ZNF639: variants seen among roughly 807,000 people sequenced by gnomAD.
ZNF639 encodes zinc finger protein 639, also known as zinc finger amplified in esophageal squamous cell carcinomas 1.
In ZNF639, 20 loss-of-function variants were observed where a neutral mutation model predicts 39.8. The observed-to-expected ratio is 0.50, with a 90% CI of 0.35 to 0.73. ZNF639 has a LOEUF of 0.73. ZNF639 is among the 30% of genes least tolerant of loss of function. ZNF639 has a pLI of 0.00. For synonymous variants in ZNF639, 176 were observed against 189.8 expected (o/e 0.93, Z 0.60); for missense variants, 477 against 566.2 (o/e 0.84, Z 1.60).
chr3:179,334,028 A>G lies in ZNF639; in HGVS notation c.1064A>G (p.Glu355Gly), dbSNP rs557359525. The change falls in exon 6 of 6, where the codon GAA becomes GGA. Residue 355 changes from glutamate (E) to glycine (G), a missense_variant. Coordinates refer to ENST00000496856, the MANE Select transcript of ZNF639 (RefSeq NM_001303426.2). ...TTAAGTGATAAGTATAACAATGGTGAACATGGACAGTATAGCCTCTTAAGC... is the reference window on the plus strand; with the variant it reads ...TTAAGTGATAAGTATAACAATGGTGGACATGGACAGTATAGCCTCTTAAGC... ...IELSDKYNNGEHGQYSLLSKI... is the reference protein window; with the variant it reads ...IELSDKYNNGGHGQYSLLSKI... The G allele has an allele frequency of 1.2e-6, 2 of 1,614,208 alleles. No homozygotes were observed. Among genetic ancestry groups the G allele is most frequent in the African/African-American group, 2.7e-5 (2 of 75,072 alleles).
rs1171805474 is a variant in ZNF639 at position 179,334,664 on chromosome 3, T to G, written c.*242T>G. On this transcript the variant is annotated 3_prime_UTR_variant, in exon 6 of 6. Transcript: ENST00000496856. ...CCACTCTTGGTGACTGTCATCCTGT[T>G]TCTTCCATATTCTCTGATTTCATGA... The G allele has an allele frequency of 1.2e-5, 3 of 244,744 alleles. No homozygotes were observed. Among genetic ancestry groups the G allele is most frequent in the African/African-American group, 6.7e-5 (3 of 44,810 alleles). The allele number at this position is 244,744 out of a possible 1,614,324, so 15.2% of individuals were successfully genotyped here. A position where few individuals can be genotyped will look rare whatever the true frequency, so the allele number is the denominator to read the frequency against.
rs1436878872 is a variant in ZNF639 at position 179,338,492 on chromosome 3, T to A, written c.*4070T>A. 2 of 152,194 alleles carry A rather than the reference T, an allele frequency of 1.3e-5. No individual in the cohort carries two copies. The highest frequency in any genetic ancestry group is 4.8e-5 in the African/African-American group (2 of 41,462). 9.4% of individuals were successfully genotyped at this position (152,194 alleles called of 1,614,324 possible). On this transcript the variant is annotated 3_prime_UTR_variant, in exon 6 of 6. Coordinates refer to ENST00000496856, the MANE Select transcript of ZNF639 (RefSeq NM_001303426.2). ...TGTATATTATTTGTCAATTTCACAG[T>A]TTCTATAATCTATTGTTTGCTGAAT...
intron 3 of ZNF639, among the ~76,000 whole-genome samples, chr3:179,328,764 T>C (rs1727738166): frequency 6.7e-6 from 1 of 150,302 alleles, no homozygotes; most frequent in East Asian, 2.0e-4. Context: ...ACTTTCATGC[T>C]GAATGTGTAA....
chr3:179,334,251 G>T lies in ZNF639; in HGVS notation c.1287G>T (p.Gly429=). The change falls in exon 6 of 6, where the codon GGG becomes GGT. Residue 429 remains glycine (G), a synonymous_variant. Coordinates refer to ENST00000496856, the MANE Select transcript of ZNF639 (RefSeq NM_001303426.2). ...ATTTAAATTCACATTTATCTGAAGG[G>T]ATTTATTTATGTCAATATTGTGAAT... ...CKHLNSHLSE[G]IYLCQYCEYS... is the part of the protein sequence containing the mutation. 1 of 1,612,206 alleles carries T rather than the reference G, an allele frequency of 6.2e-7. No individual in the cohort carries two copies. Among genetic ancestry groups the T allele is most frequent in the Non-Finnish European group, 8.5e-7 (1 of 1,178,966 alleles).
chr3:179,324,128 G>A (rs73043415), intron 1 of ZNF639, among the ~76,000 whole-genome samples: 7,304 of 152,192 alleles, frequency 0.048, 411 homozygotes, highest in African/African-American at 0.13. Flanking sequence ...GAAAAAGAAA[G>A]CTTAACTCTT....
rs889139817 is a variant in ZNF639, at chr3:179,323,187, C to T, written c.-187C>T. On this transcript the variant is annotated 5_prime_UTR_variant, in exon 1 of 6. Coordinates refer to ENST00000496856, the MANE Select transcript of ZNF639 (RefSeq NM_001303426.2). ...GCGCTAGGGCCGGAGCAGCGCTGCC[C>T]GCCGCCGTGCGTCCGCGGGAAGGAC... 7.1e-6 allele frequency: 7 copies of T among 984,782 alleles called. No homozygotes were observed. Among genetic ancestry groups the T allele is most frequent in the African/African-American group, 3.5e-5 (2 of 57,232 alleles). 61.0% of individuals were successfully genotyped at this position (984,782 alleles called of 1,614,324 possible).
In ZNF639 at chr3:179,333,206, C is replaced by T. The variant is rs190089713; in HGVS notation, c.305-63C>T. 131 of 1,544,828 alleles carry T rather than the reference C, an allele frequency of 8.5e-5. 1 individual carries two copies. The South Asian group carries it at 1.2e-3, about 14-fold the overall frequency. The stretch of plus-strand genomic sequence containing the variant: ...GTGCATGCAATAAATTTTTTTTTGC[C>T]CAGTTGTATTTAACAGATCTTATTT... On this transcript the variant is annotated intron_variant, in intron 5 of 5. Transcript: ENST00000496856.
At chr3:179,331,775 CAAAAAAA>C (rs56708873) in intron 4 of ZNF639, among the ~76,000 whole-genome samples, 1 of 80,586 alleles carries the variant, frequency 1.2e-5, no homozygotes, top group South Asian at 4.4e-4. Flanking sequence ...AACTCCATCT[CAAAAAAA>C]AAAAAAAAAA....
chr3:179,327,441 A>G (rs922308507), intron 1 of ZNF639, 120 bp from the exon 2 acceptor site: 1 of 152,248 alleles, frequency 6.6e-6, no homozygotes, highest in Non-Finnish European at 1.5e-5. Flanking sequence ...TCAAAATAAT[A>G]TATCTTAATT....
In ZNF639 at chr3:179,334,442, G is replaced by T; in HGVS notation, c.*20G>T. 1 of 1,467,126 alleles carries T rather than the reference G, an allele frequency of 6.8e-7. No individual in the cohort carries two copies. The highest frequency in any genetic ancestry group is 1.5e-5 in the South Asian group (1 of 66,016). The allele number at this position is 1,467,126 out of a possible 1,614,324, so 90.9% of individuals were successfully genotyped here. ...ACTTGATTATTCTCTTTAACTTACA[G>T]AATGTTAGTTTAAAATAATAAATTC... On this transcript the variant is annotated 3_prime_UTR_variant, in exon 6 of 6. Coordinates refer to ENST00000496856, the MANE Select transcript of ZNF639 (RefSeq NM_001303426.2).
In ZNF639 at chr3:179,338,008, AC is replaced by A. The variant is rs1198143042; in HGVS notation, c.*3589del. ...TCTTGAACTCCTGACCTTGTGATCCACCCACTTCGGCCTCCCAAAGTGCTGG... is the reference window on the plus strand; with the variant it reads ...TCTTGAACTCCTGACCTTGTGATCCACCACTTCGGCCTCCCAAAGTGCTGG... On this transcript the variant is annotated 3_prime_UTR_variant, in exon 6 of 6. Coordinates refer to ENST00000496856, the MANE Select transcript of ZNF639 (RefSeq NM_001303426.2). The A allele has an allele frequency of 6.7e-6, 1 of 150,350 alleles. No homozygotes were observed. Among genetic ancestry groups the A allele is most frequent in the African/African-American group, 2.5e-5 (1 of 40,814 alleles). 9.3% of individuals were successfully genotyped at this position (150,350 alleles called of 1,614,324 possible).
upstream of ZNF639, chr3:179,322,934 G>C: frequency 3.0e-6 from 3 of 985,258 alleles, no homozygotes; most frequent in Non-Finnish European, 2.4e-6. Context: ...GCTGCGGGCC[G>C]GTGGTCCCTC....
chr3:179,328,396 C>T (rs1165957553), intron 3 of ZNF639, 45 bp downstream of exon 3: 1 of 1,307,990 alleles, frequency 7.6e-7, no homozygotes, highest in East Asian at 2.4e-5. Flanking sequence ...TTAATTCCCA[C>T]AAAATTATAT....
At chr3:179,332,209 A>G (rs1560181261) in intron 4 of ZNF639, among the ~76,000 whole-genome samples, 1 of 152,270 alleles carries the variant, frequency 6.6e-6, no homozygotes, top group African/African-American at 2.4e-5. Context: ...CAAATGTGCC[A>G]CACTAATGTT....
Position 179,333,689 on chromosome 3 carries a change from T to C in ZNF639, c.725T>C (p.Phe242Ser), listed in dbSNP as rs565932712. ...SNVCRVCKES[F>S]STNMLLIEHA... Reference sequence around the variant, plus strand: ...GTGTGTCGAGTATGCAAGGAAAGTTTCTCTACCAATATGCTTCTGATAGAA... The same window carrying C: ...GTGTGTCGAGTATGCAAGGAAAGTTCCTCTACCAATATGCTTCTGATAGAA... Residue 242 changes from phenylalanine to serine, a missense_variant, in exon 6 of 6, where the codon TTC (phenylalanine) becomes TCC (serine). Physicochemically the swap from Phe to Ser is radical, Grantham distance 155 (BLOSUM62 -2). Transcript: ENST00000496856. The C allele has an allele frequency of 6.2e-7, 1 of 1,614,184 alleles. No homozygotes were observed. Among genetic ancestry groups the C allele is most frequent in the South Asian group, 1.1e-5 (1 of 91,082 alleles).
chr3:179,323,534 C>A (rs1727402471), intron 1 of ZNF639, among the ~76,000 whole-genome samples: 1 of 152,194 alleles, frequency 6.6e-6, no homozygotes, highest in African/African-American at 2.4e-5. Flanking sequence ...CTTTACGGAA[C>A]CTTTGGTGTC....
intron 4 of ZNF639, among the ~76,000 whole-genome samples, chr3:179,330,770 C>T (rs1440708716): frequency 6.6e-6 from 1 of 152,232 alleles, no homozygotes; most frequent in Non-Finnish European, 1.5e-5. Context: ...ATTGGTTCCT[C>T]TGTTCTACAG....
chr3:179,334,135 A>G lies in ZNF639; in HGVS notation c.1171A>G (p.Arg391Gly). The G allele has an allele frequency of 1.2e-6, 2 of 1,614,124 alleles. No individual in the cohort carries two copies. Among genetic ancestry groups the G allele is most frequent in the Non-Finnish European group, 1.7e-6 (2 of 1,179,982 alleles). ...GAGTAGACTTCACACAAATGTTAAC[A>G]GGCATGTTGCTATTGAACATACAAA... ...FRSRLHTNVNRHVAIEHTKIF... is the reference protein window; with the variant it reads ...FRSRLHTNVNGHVAIEHTKIF... The change falls in exon 6 of 6, where the codon AGG (arginine) becomes GGG (glycine). Residue 391 changes from arginine (R) to glycine (G), a missense_variant. Arg to Gly is a moderately radical substitution (Grantham distance 125). Coordinates refer to ENST00000496856, the MANE Select transcript of ZNF639 (RefSeq NM_001303426.2).
At position 179,333,992 on chromosome 3, in the gene ZNF639, A is replaced by T; in HGVS notation, c.1028A>T (p.Lys343Ile). 6.2e-7 allele frequency: 1 copy of T among 1,614,196 alleles called. No homozygotes were observed. The highest frequency in any genetic ancestry group is 8.5e-7 in the Non-Finnish European group (1 of 1,180,038). Residue 343 changes from lysine to isoleucine, a missense_variant, in exon 6 of 6, where the codon AAA becomes ATA. Coordinates refer to ENST00000496856, the MANE Select transcript of ZNF639 (RefSeq NM_001303426.2). ...CATGTGGTAAATGAGCATGCATGTAAATTAATAGAGTTAAGTGATAAGTAT... is the reference window on the plus strand; with the variant it reads ...CATGTGGTAAATGAGCATGCATGTATATTAATAGAGTTAAGTGATAAGTAT... Reference protein sequence around the residue: ...HSHVVNEHACKLIELSDKYNN... With the variant: ...HSHVVNEHACILIELSDKYNN...
Sources: allele counts gnomAD v4.1 joint callset (sites outside exome capture counted in the v4.1 genomes callset), GRCh38; gene constraint gnomAD v4.1.1; transcripts MANE v1.5; gene names NCBI Gene and HGNC (gene_info 2026-07-23, HGNC 2026-07-21).